PLGRKT: variants seen among roughly 807,000 people sequenced by gnomAD.
PLGRKT encodes plasminogen receptor (KT).
Under a neutral mutation model 18.5 loss-of-function variants are expected in PLGRKT, and 22 were observed. The observed-to-expected ratio is 1.19, with a 90% CI of 0.85 to 1.70. The LOEUF (loss-of-function observed/expected upper bound fraction) is 1.70. Ranked by LOEUF, PLGRKT falls within the 40% of genes most tolerant of loss-of-function variation. The pLI is 0.00. For synonymous variants in PLGRKT, 72 were observed against 52.8 expected (o/e 1.36, Z -1.58); for missense variants, 235 against 174.4 (o/e 1.35, Z -1.96).
chr9:5,432,398 T>A (rs561588438), intron 2 of PLGRKT, among the ~76,000 whole-genome samples: 1 of 152,348 alleles, frequency 6.6e-6, no homozygotes, highest in East Asian at 1.9e-4. Context: ...CCTTTGCATC[T>A]GAGGAGGGAT....
At position 5,361,186 on chromosome 9, in the gene PLGRKT, C is replaced by G. The variant is rs377581811; in HGVS notation, c.214G>C (p.Ala72Pro). 6.3e-7 allele frequency: 1 copy of G among 1,577,920 alleles called. No individual in the cohort carries two copies. The change falls in exon 5 of 6, where the codon GCG becomes CCG. Residue 72 changes from alanine (A) to proline (P), a missense_variant and splice_region_variant. By Grantham distance (27) the Ala-to-Pro change is conservative. Transcript: ENST00000223864. ...AAGGCTGGCTTCTTTTTTTTAATCG[C>G]TCTGTTTCAAGAATTAAAAGAAGAA... ...GLAAISLTAG[A>P]IKKKKPAFLV...
chr9:5,383,353 A>C (rs903876799), intron 3 of PLGRKT, among the ~76,000 whole-genome samples: 1 of 152,134 alleles, frequency 6.6e-6, no homozygotes, highest in Non-Finnish European at 1.5e-5. Flanking sequence ...CTAGGAAACC[A>C]ATACACTCCT....
intron 3 of PLGRKT, among the ~76,000 whole-genome samples, chr9:5,383,779 G>A (rs913074938): frequency 2.6e-5 from 4 of 152,172 alleles, no homozygotes; most frequent in African/African-American, 9.7e-5. Context: ...AGGTGGTAAT[G>A]CTCACTCACT....
At chr9:5,388,743 A>T (rs16923116) in intron 3 of PLGRKT, among the ~76,000 whole-genome samples, 2,558 of 152,126 alleles carry the variant, frequency 0.017, 128 homozygotes, top group African/African-American at 0.059. Context: ...CCCTCTTTAG[A>T]GAAACAGGAC....
chr9:5,358,505 A>G (rs10125658), intron 5 of PLGRKT, 145 bp from the exon 6 acceptor site: 167,864 of 571,954 alleles, frequency 0.29, 27,681 homozygotes, highest in African/African-American at 0.55. Context: ...CCTCAGGAGA[A>G]GTAATATACT....
rs763423293 is a variant in PLGRKT at position 5,418,779 on chromosome 9, C to A, written c.81+13118G>T. The A allele has an allele frequency of 2.4e-5, 19 of 775,784 alleles. No homozygotes were observed. The highest frequency in any genetic ancestry group is 5.2e-5 in the African/African-American group (3 of 58,184). The allele number at this position is 775,784 out of a possible 1,614,324, so 48.1% of individuals were successfully genotyped here. ...GGACCTCGGGGTCGTCGAGGAGCTG[C>A]GACACGGAGAAGTCAGGGGGCAGCT... On this transcript the variant is annotated intron_variant, in intron 3 of 5. Transcript: ENST00000223864. The surrounding 1 kb of genome is among the most constrained non-coding windows in gnomAD (Gnocchi z 4.2).
intron 3 of PLGRKT, among the ~76,000 whole-genome samples, chr9:5,397,003 A>G (rs907694529): frequency 1.3e-5 from 2 of 152,064 alleles, no homozygotes; most frequent in Non-Finnish European, 2.9e-5. Context: ...ATTCTACTAA[A>G]GCAGAATTTT....
chr9:5,384,747 C>A (rs190589893), intron 3 of PLGRKT, among the ~76,000 whole-genome samples: 1 of 151,910 alleles, frequency 6.6e-6, no homozygotes, highest in African/African-American at 2.4e-5. Flanking sequence ...TCTTAACTAA[C>A]CAAGCAGAAG....
intron 3 of PLGRKT, chr9:5,381,816 A>T: frequency 1.1e-6 from 1 of 917,772 alleles, no homozygotes; most frequent in Non-Finnish European, 1.3e-6. Flanking sequence ...TTGTAGTTTT[A>T]AAAAATACAT....
At chr9:5,371,986 C>CTTTTTTTTTTTTTTTTTTTTT (rs71326158) in intron 3 of PLGRKT, among the ~76,000 whole-genome samples, 2,524 of 88,778 alleles carry the variant, frequency 0.028, 538 homozygotes, top group East Asian at 0.042. Flanking sequence ...TCAGAAAATC[C>CTTTTTTTTTTTTTTTTTTTTT]TTTTTTTTTT....
At chr9:5,425,457 C>A (rs1007591782) in intron 3 of PLGRKT, among the ~76,000 whole-genome samples, 3 of 152,136 alleles carry the variant, frequency 2.0e-5, no homozygotes, top group African/African-American at 4.8e-5. Flanking sequence ...GTTAACCAGA[C>A]TCCAGTGATT....
intron 3 of PLGRKT, among the ~76,000 whole-genome samples, chr9:5,419,273 AT>A (rs1378406316): frequency 6.6e-6 from 1 of 152,250 alleles, no homozygotes; most frequent in Non-Finnish European, 1.5e-5. Context: ...CAATATGATT[AT>A]TTATCCTCCA....
At chr9:5,434,654 G>A (rs1490944443) in intron 2 of PLGRKT, among the ~76,000 whole-genome samples, 3 of 150,292 alleles carry the variant, frequency 2.0e-5, no homozygotes, top group African/African-American at 7.4e-5. Flanking sequence ...GGGATGTGAG[G>A]AGCACCGCTG....
intron 3 of PLGRKT, among the ~76,000 whole-genome samples, chr9:5,429,404 C>T (rs1052717380): frequency 1.3e-5 from 2 of 152,194 alleles, no homozygotes; most frequent in Non-Finnish European, 2.9e-5. Context: ...TAACAAAGGA[C>T]CACAAACTGG....
chr9:5,377,037 C>T (rs1050497985), intron 3 of PLGRKT, among the ~76,000 whole-genome samples: 17 of 152,076 alleles, frequency 1.1e-4, no homozygotes, highest in Admixed American at 7.9e-4. Context: ...TGAATCTGTA[C>T]TCAGGCTGCC....
At chr9:5,359,128 T>C (rs1394615311) in intron 5 of PLGRKT, among the ~76,000 whole-genome samples, 3 of 151,864 alleles carry the variant, frequency 2.0e-5, no homozygotes, top group Non-Finnish European at 2.9e-5. Context: ...AGTGGTGCAA[T>C]CTCAGCTCAC....
At chr9:5,419,506 C>G (rs1375432328) in intron 3 of PLGRKT, among the ~76,000 whole-genome samples, 1 of 152,162 alleles carries the variant, frequency 6.6e-6, no homozygotes, top group Non-Finnish European at 1.5e-5. Flanking sequence ...GCCAGACATG[C>G]CCTATGGCCA....
intron 3 of PLGRKT, among the ~76,000 whole-genome samples, chr9:5,376,159 A>G (rs1401323970): frequency 6.6e-6 from 1 of 152,196 alleles, no homozygotes; most frequent in Non-Finnish European, 1.5e-5. Flanking sequence ...AGAGAGAGAC[A>G]GAAAGGAGAA....
At chr9:5,400,839 T>G (rs937818446) in intron 3 of PLGRKT, among the ~76,000 whole-genome samples, 1 of 151,936 alleles carries the variant, frequency 6.6e-6, no homozygotes, top group Admixed American at 6.5e-5. Flanking sequence ...CATATTCAAC[T>G]ACGCTGCTAT....
Sources: allele counts gnomAD v4.1 joint callset (sites outside exome capture counted in the v4.1 genomes callset), GRCh38; gene constraint gnomAD v4.1.1; non-coding constraint Gnocchi (gnomAD v3.1); transcripts MANE v1.5; gene names NCBI Gene and HGNC (gene_info 2026-07-23, HGNC 2026-07-21).